Variants in CNTNAP5 observed in about 807,000 individuals in gnomAD.
CNTNAP5 encodes the protein contactin-associated protein-like 5.
Under a neutral mutation model 150.2 loss-of-function variants are expected in CNTNAP5, and 72 were observed. The ratio of observed to expected loss-of-function variants is 0.48; its 90% CI spans 0.40 to 0.58. The LOEUF (loss-of-function observed/expected upper bound fraction) is 0.58, where lower values mean the gene tolerates loss of function less well. Ranked by LOEUF, CNTNAP5 falls within the 20% of genes least tolerant of loss-of-function variation. The probability of loss-of-function intolerance (pLI) is 0.00; values close to 1 mark genes in which losing one functional copy is unlikely to be tolerated. For missense variants in CNTNAP5, 1,636 were observed against 1,626.2 expected (o/e 1.01, Z -0.10); for synonymous variants, 672 against 619.8 (o/e 1.08, Z -1.25).
At chr2:124,563,033 C>A in intron 10 of CNTNAP5, among the ~76,000 whole-genome samples, 184 bp from the exon 11 acceptor site, 1 of 152,164 alleles carries the variant, frequency 6.6e-6, no homozygotes, top group East Asian at 1.9e-4. Context: ...GGTGATTCTA[C>A]CTTTTGTGCT....
chr2:124,559,438 A>G (rs758222978), intron 10 of CNTNAP5, among the ~76,000 whole-genome samples: 1 of 152,188 alleles, frequency 6.6e-6, no homozygotes, highest in Non-Finnish European at 1.5e-5. Context: ...AGTAAGAGGA[A>G]AGCCATTGTG....
chr2:124,300,597 T>C (rs1688549301), intron 3 of CNTNAP5, among the ~76,000 whole-genome samples: 1 of 152,112 alleles, frequency 6.6e-6, no homozygotes, highest in African/African-American at 2.4e-5. Flanking sequence ...GGGACAGCAG[T>C]GGGGCTGGAC....
intron 1 of CNTNAP5, among the ~76,000 whole-genome samples, chr2:124,201,028 A>G (rs1012020788): frequency 6.6e-6 from 1 of 152,140 alleles, no homozygotes; most frequent in Non-Finnish European, 1.5e-5. Flanking sequence ...GCATCCTGCT[A>G]CGTTTCATTT....
chr2:124,463,758 AGCCTGG>A (rs2104823480), intron 6 of CNTNAP5, among the ~76,000 whole-genome samples: 1 of 152,294 alleles, frequency 6.6e-6, no homozygotes, highest in South Asian at 2.1e-4. Flanking sequence ...TGGTCACCTT[AGCCTGG>A]GACTTTTCAT....
chr2:124,259,218 T>C (rs1489948950), intron 3 of CNTNAP5, among the ~76,000 whole-genome samples: 1 of 152,128 alleles, frequency 6.6e-6, no homozygotes. Context: ...TAGTATTCCA[T>C]GGTGTATATG....
At chr2:124,746,482 T>C (rs893716742) in intron 13 of CNTNAP5, among the ~76,000 whole-genome samples, 3 of 152,202 alleles carry the variant, frequency 2.0e-5, no homozygotes, top group Admixed American at 2.0e-4. Flanking sequence ...GTCCACATAT[T>C]ATCAGCTTTA....
At chr2:124,139,844 A>T (rs1217415941) in intron 1 of CNTNAP5, among the ~76,000 whole-genome samples, 1 of 152,230 alleles carries the variant, frequency 6.6e-6, no homozygotes, top group East Asian at 1.9e-4. Context: ...GCGACGCAGA[A>T]GACGGGTGAT....
intron 20 of CNTNAP5, among the ~76,000 whole-genome samples, chr2:124,867,829 A>G (rs1677663842): frequency 6.6e-6 from 1 of 152,172 alleles, no homozygotes. Context: ...CCTTATACCA[A>G]CTACCTACTG....
At chr2:124,854,882 C>A (rs889585232) in intron 19 of CNTNAP5, among the ~76,000 whole-genome samples, 1 of 152,098 alleles carries the variant, frequency 6.6e-6, no homozygotes, top group African/African-American at 2.4e-5. Context: ...AAGTGGGGAC[C>A]TGGGTCACAT....
chr2:124,646,657 G>A lies in CNTNAP5; in HGVS notation c.1877-1101G>A, dbSNP rs533404282. Among the ~76,000 whole-genome samples, 67 of 152,294 alleles carry A rather than the reference G, an allele frequency of 4.4e-4. 1 individual carries two copies. Among genetic ancestry groups the A allele is most frequent in the Non-Finnish European group, 3.2e-4 (22 of 68,028 alleles). ...AATTGCAGTAAATGTTTTAGCCTAGGTTATTACTACAGAGTGTCTGATACA... is the reference window on the plus strand; with the variant it reads ...AATTGCAGTAAATGTTTTAGCCTAGATTATTACTACAGAGTGTCTGATACA... On this transcript the variant is annotated intron_variant, in intron 12 of 23. Transcript: ENST00000682447.
At chr2:124,323,186 G>A (rs545083268) in intron 3 of CNTNAP5, among the ~76,000 whole-genome samples, 60 of 152,262 alleles carry the variant, frequency 3.9e-4, no homozygotes, top group Middle Eastern at 6.8e-3. Context: ...AAGCGGGTCA[G>A]GAACACTTTC....
intron 1 of CNTNAP5, among the ~76,000 whole-genome samples, chr2:124,067,089 C>T (rs1255626526): frequency 6.6e-6 from 1 of 152,142 alleles, no homozygotes; most frequent in Non-Finnish European, 1.5e-5. Context: ...AGATGCTTTG[C>T]ACTTGATATA....
intron 12 of CNTNAP5, among the ~76,000 whole-genome samples, chr2:124,617,971 A>G (rs1387589710): frequency 6.6e-6 from 1 of 152,112 alleles, no homozygotes; most frequent in Non-Finnish European, 1.5e-5. Flanking sequence ...AAGGGCAGGA[A>G]CAAAGGACCA....
chr2:124,401,088 A>G (rs1349350278), intron 3 of CNTNAP5, among the ~76,000 whole-genome samples: 12 of 151,778 alleles, frequency 7.9e-5, no homozygotes. Flanking sequence ...GCTGTCTCAC[A>G]CTCCTGACTT....
At chr2:124,425,517 C>A (rs1311588917) in intron 4 of CNTNAP5, among the ~76,000 whole-genome samples, 1 of 152,184 alleles carries the variant, frequency 6.6e-6, no homozygotes, top group Non-Finnish European at 1.5e-5. Context: ...GAAACCTCAT[C>A]CCCATAGTGA....
At chr2:124,131,298 C>T (rs1218171196) in intron 1 of CNTNAP5, among the ~76,000 whole-genome samples, 2 of 152,198 alleles carry the variant, frequency 1.3e-5, no homozygotes, top group Non-Finnish European at 2.9e-5. Flanking sequence ...TAAGATCACA[C>T]ATTCTATATG....
chr2:124,719,637 T>A lies in CNTNAP5; in HGVS notation c.2078-27592T>A, dbSNP rs550450133. 1.2e-4 allele frequency among the ~76,000 whole-genome samples: 18 copies of A among 152,338 alleles called. No individual in the cohort carries two copies. The East Asian group carries it at 3.3e-3, about 28-fold the overall frequency. ...TCCACTGGCTACGTAATAGTTTCTC[T>A]TGTGGTCCTGTGACTATTTTATACT... On this transcript the variant is annotated intron_variant, in intron 13 of 23. Coordinates refer to ENST00000682447, the MANE Select transcript of CNTNAP5 (RefSeq NM_001367498.1).
At position 124,405,439 on chromosome 2, in the gene CNTNAP5, A is replaced by G. The variant is rs1048347616; in HGVS notation, c.382-12004A>G. ...AGCCACTGCAATTACTTGGTTGCAG[A>G]AACCGGACTCCACTTATATATGCAG... On this transcript the variant is annotated intron_variant, in intron 3 of 23. Transcript: ENST00000682447. Among the ~76,000 whole-genome samples the G allele has an allele frequency of 2.6e-5, 4 of 152,294 alleles. No homozygotes were observed. In the East Asian group the frequency reaches 5.8e-4, roughly 22 times the overall value.
chr2:124,789,797 C>A, intron 17 of CNTNAP5, 105 bp from the exon 18 acceptor site: 1 of 1,028,432 alleles, frequency 9.7e-7, no homozygotes, highest in Non-Finnish European at 1.4e-6. Context: ...TTTAGACCTT[C>A]ATGACAACAG....
Sources: gnomAD v4.1 joint callset for allele counts (sites outside exome capture counted in the v4.1 genomes callset) on GRCh38, gnomAD v4.1.1 for gene constraint, MANE v1.5 for transcripts, NCBI Gene and HGNC (gene_info 2026-07-23, HGNC 2026-07-21) for gene names.